The following STPG4 variants were observed in gnomAD, a reference collection of about 807,000 sequenced individuals.
STPG4 encodes sperm-tail PG-rich repeat containing 4, also known as protein STPG4.
In STPG4, 41 loss-of-function variants were observed where a neutral mutation model predicts 31.5. The ratio of observed to expected loss-of-function variants is 1.30; its 90% CI spans 1.01 to 1.69. The LOEUF is 1.69. Among genes scored for constraint, STPG4 ranks in the 40% most tolerant of loss-of-function variants. STPG4 has a pLI of 0.00. For missense variants in STPG4, 375 were observed against 293.4 expected (o/e 1.28, Z -2.03); for synonymous variants, 141 against 103.0 (o/e 1.37, Z -2.24).
intron 5 of STPG4, among the ~76,000 whole-genome samples, chr2:47,092,905 G>A (rs1482980440): frequency 6.6e-6 from 1 of 151,906 alleles, no homozygotes; most frequent in African/African-American, 2.4e-5. Context: ...CGATTCTTCT[G>A]CATCAGCCTC....
chr2:47,096,750 TAA>T (rs1685677636), intron 5 of STPG4, among the ~76,000 whole-genome samples: 1 of 152,200 alleles, frequency 6.6e-6, no homozygotes, highest in African/African-American at 2.4e-5. Context: ...TGGCAGATGT[TAA>T]AGACATTTCG....
At position 47,108,080 on chromosome 2, in the gene STPG4, G is replaced by A. The variant is rs567337212; in HGVS notation, c.520-17706C>T. Among the ~76,000 whole-genome samples, 723 of 151,858 alleles carry A rather than the reference G, an allele frequency of 4.8e-3. 4 individuals carry two copies. Among genetic ancestry groups the A allele is most frequent in the African/African-American group, 0.017 (684 of 41,292 alleles). ...ATCTAGCTACTCTGGTGGGGCCTTG[G>A]AGAACCTTTGTGTCAACACTCTGTA... On this transcript the variant is annotated intron_variant, in intron 5 of 6. Coordinates refer to ENST00000445927, the MANE Select transcript of STPG4 (RefSeq NM_001163561.2).
chr2:47,125,646 A>T (rs906861940), intron 5 of STPG4, among the ~76,000 whole-genome samples: 4 of 152,104 alleles, frequency 2.6e-5, no homozygotes, highest in Non-Finnish European at 5.9e-5. Flanking sequence ...CACTCAAGAA[A>T]TCTTTGCCCA....
chr2:47,137,961 T>C (rs890292175), intron 3 of STPG4, among the ~76,000 whole-genome samples: 5 of 152,176 alleles, frequency 3.3e-5, no homozygotes, highest in African/African-American at 1.2e-4. Flanking sequence ...ATTTTCTGTT[T>C]TCAATTTCAT....
At chr2:47,135,419 C>A (rs1307025228) in intron 3 of STPG4, among the ~76,000 whole-genome samples, 3 of 152,174 alleles carry the variant, frequency 2.0e-5, no homozygotes, top group Non-Finnish European at 4.4e-5. Flanking sequence ...AAGAGTCTCA[C>A]TCTGTCACCC....
intron 3 of STPG4, among the ~76,000 whole-genome samples, chr2:47,150,682 G>A (rs1389844435): frequency 6.7e-6 from 1 of 148,400 alleles, no homozygotes; most frequent in Non-Finnish European, 1.5e-5. Context: ...TTGAGGGCTT[G>A]TTATATTGCC....
intron 6 of STPG4, 66 bp downstream of exon 6, chr2:47,090,204 C>A (rs1406519067): frequency 8.7e-7 from 1 of 1,146,636 alleles, no homozygotes; most frequent in Non-Finnish European, 1.3e-6. Context: ...CACATAGAAA[C>A]AGAAAACCTA....
intron 5 of STPG4, chr2:47,129,041 C>G (rs1457273488): frequency 6.6e-6 from 1 of 152,248 alleles, no homozygotes; most frequent in Non-Finnish European, 1.5e-5. Flanking sequence ...GCAGTGGATT[C>G]TCTTCCAGCC....
chr2:47,147,989 T>C (rs1573200294), intron 3 of STPG4, among the ~76,000 whole-genome samples: 1 of 151,020 alleles, frequency 6.6e-6, no homozygotes, highest in Middle Eastern at 3.4e-3. Context: ...TCTTGCTCTG[T>C]CGCCCAGGCT....
At position 47,155,294 on chromosome 2, in the gene STPG4, C is replaced by T. The variant is rs374816428; in HGVS notation, c.-43G>A. The T allele has an allele frequency of 2.5e-6, 4 of 1,605,324 alleles. No homozygotes were observed. Among genetic ancestry groups the T allele is most frequent in the Non-Finnish European group, 3.4e-6 (4 of 1,172,592 alleles). ...CTAGGCTGAACCTGAGCTCCGGTTG[C>T]TAGGAGGCGGGTGTGGCCCGTGGGC... On this transcript the variant is annotated 5_prime_UTR_variant, in exon 1 of 7. Coordinates refer to ENST00000445927, the MANE Select transcript of STPG4 (RefSeq NM_001163561.2).
At chr2:47,153,145 A>C (rs937228583) in intron 1 of STPG4, 129 bp from the exon 2 acceptor site, 2 of 581,170 alleles carry the variant, frequency 3.4e-6, no homozygotes, top group Non-Finnish European at 5.9e-6. Flanking sequence ...TTAAAATAAA[A>C]GCTACATAAT....
chr2:47,107,695 A>T (rs1157356487), intron 5 of STPG4, among the ~76,000 whole-genome samples: 1 of 152,114 alleles, frequency 6.6e-6, no homozygotes, highest in Non-Finnish European at 1.5e-5. Flanking sequence ...AGGCAGCTCC[A>T]CCTGCAGCCC....
intron 5 of STPG4, chr2:47,121,001 ATAG>A (rs1686262052): frequency 6.6e-6 from 1 of 152,392 alleles, no homozygotes; most frequent in African/African-American, 2.4e-5. Context: ...GTTTGGAGGA[ATAG>A]TAGCTGACCT....
At position 47,087,080 on chromosome 2, in the gene STPG4, C is replaced by A; in HGVS notation, c.675G>T (p.Gln225His). 2 of 1,551,804 alleles carry A rather than the reference C, an allele frequency of 1.3e-6. No homozygotes were observed. The highest frequency in any genetic ancestry group is 1.7e-6 in the Non-Finnish European group (2 of 1,147,006). ...AYTTLRQFPK[Q>H]SPTIAKMGQE... is the part of the protein sequence containing the mutation. ...GGCCCATTTTGGCTATGGTCGGAGA[C>A]TGCTTAGGGAATTGTCTTAAAGTTG... Residue 225 changes from glutamine to histidine, a missense_variant, in exon 7 of 7, where the codon CAG becomes CAT. By Grantham distance (24) the Gln-to-His change is conservative (BLOSUM62 0). Transcript: ENST00000445927.
In STPG4 at chr2:47,127,252, C is replaced by CTTTTTTTTTTTTTTTTTTTTTTTT. The variant is rs57475505; in HGVS notation, c.519+2665_519+2688dup. The stretch of plus-strand genomic sequence containing the variant: ...CAAATAGCTTGTCTTCAAGCTAATT[C>CTTTTTTTTTTTTTTTTTTTTTTTT]TTTTTTTTTTTTTTTTTTTTTTTTT... On this transcript the variant is annotated intron_variant, in intron 5 of 6. Coordinates refer to ENST00000445927, the MANE Select transcript of STPG4 (RefSeq NM_001163561.2). Among the ~76,000 whole-genome samples, 5 of 57,476 alleles carry CTTTTTTTTTTTTTTTTTTTTTTTT rather than the reference C, an allele frequency of 8.7e-5. 1 individual carries two copies. Among genetic ancestry groups the CTTTTTTTTTTTTTTTTTTTTTTTT allele is most frequent in the Admixed American group, 2.6e-4 (1 of 3,912 alleles). The allele number at this position is 57,476 out of a possible 152,430, so 37.7% of individuals were successfully genotyped here.
chr2:47,103,837 A>G (rs1685849018), intron 5 of STPG4, among the ~76,000 whole-genome samples: 1 of 151,776 alleles, frequency 6.6e-6, no homozygotes, highest in Admixed American at 6.6e-5. Context: ...ATGTTTAACT[A>G]TTGAGGGCCA....
chr2:47,102,330 C>G (rs1349547510), intron 5 of STPG4, among the ~76,000 whole-genome samples: 2 of 151,894 alleles, frequency 1.3e-5, no homozygotes, highest in Admixed American at 1.3e-4. Flanking sequence ...CAGGCCCACC[C>G]TTGAAATGCA....
In STPG4 at chr2:47,151,486, C is replaced by T; in HGVS notation, c.171G>A (p.Leu57=). The T allele has an allele frequency of 1.2e-6, 2 of 1,613,944 alleles. No homozygotes were observed. Among genetic ancestry groups the T allele is most frequent in the African/African-American group, 2.7e-5 (2 of 74,994 alleles). ...ATAGGGATTCTTCAATAAAAGTTTT[C>T]AAGTGGTAAGTGCCAGGTATAGGAG... The part of the protein sequence containing the change: ...TDTPIPGTYH[L]KTFIEESLLN... Residue 57 remains leucine (L), a synonymous_variant, in exon 3 of 7, where the codon TTG becomes TTA. Transcript: ENST00000445927.
intron 5 of STPG4, among the ~76,000 whole-genome samples, chr2:47,092,499 G>C (rs1685587912): frequency 6.9e-6 from 1 of 144,302 alleles, no homozygotes; most frequent in African/African-American, 2.6e-5. Flanking sequence ...CCGCACTCCA[G>C]CCTGGGAAAC....
Sources: allele counts gnomAD v4.1 joint callset (sites outside exome capture counted in the v4.1 genomes callset), GRCh38; gene constraint gnomAD v4.1.1; transcripts MANE v1.5; gene names NCBI Gene and HGNC (gene_info 2026-07-23, HGNC 2026-07-21).